SIN3A: variants seen among roughly 807,000 people sequenced by gnomAD.
SIN3A encodes paired amphipathic helix protein Sin3a.
SIN3A carries 14 observed loss-of-function variants against 146.1 expected under a neutral mutation model. That is an observed-to-expected ratio of 0.10 (90% confidence interval 0.06 to 0.15). SIN3A has a LOEUF of 0.15. Among genes scored for constraint, SIN3A ranks in the 10% least tolerant of loss-of-function variants. SIN3A has a pLI of 1.00. For missense variants in SIN3A, 1,028 were observed against 1,576.0 expected (o/e 0.65, Z 5.89); for synonymous variants, 572 against 572.0 (o/e 1.00, Z 0.00).
intron 1 of SIN3A, chr15:75,447,835 G>C (rs2074334134): frequency 6.6e-6 from 1 of 152,066 alleles, no homozygotes; most frequent in Non-Finnish European, 1.5e-5. Context: ...AGTGGGTAGG[G>C]AAAACAAAAG....
At chr15:75,431,122 T>C (rs1171390352) in intron 1 of SIN3A, among the ~76,000 whole-genome samples, 3 of 152,204 alleles carry the variant, frequency 2.0e-5, no homozygotes, top group Non-Finnish European at 2.9e-5. Context: ...ACTATAATTG[T>C]GGTCTAATTT....
At chr15:75,440,469 T>C (rs1455256172) in intron 1 of SIN3A, among the ~76,000 whole-genome samples, 1 of 152,052 alleles carries the variant, frequency 6.6e-6, no homozygotes, top group African/African-American at 2.4e-5. Flanking sequence ...TGACCTCAAG[T>C]GATCTGCCCG....
chr15:75,427,554 G>C (rs1215990891), intron 2 of SIN3A, among the ~76,000 whole-genome samples: 1 of 151,890 alleles, frequency 6.6e-6, no homozygotes, highest in Admixed American at 6.6e-5. Context: ...CAGCTACTCG[G>C]GAGGCTGAGG....
chr15:75,448,817 TA>T (rs1215508184), intron 1 of SIN3A, among the ~76,000 whole-genome samples: 3 of 152,110 alleles, frequency 2.0e-5, no homozygotes, highest in Non-Finnish European at 4.4e-5. Context: ...ACTGAAGATG[TA>T]AAAAGAATTA....
At chr15:75,389,540 T>C in intron 16 of SIN3A, 112 bp downstream of exon 16, 1 of 1,010,530 alleles carries the variant, frequency 9.9e-7, no homozygotes, top group African/African-American at 1.6e-5. Flanking sequence ...TTCAGAACCC[T>C]ACGTTCATAA....
At chr15:75,427,356 G>A (rs991131261) in intron 2 of SIN3A, among the ~76,000 whole-genome samples, 5 of 150,804 alleles carry the variant, frequency 3.3e-5, no homozygotes, top group Non-Finnish European at 7.4e-5. Context: ...TGGGGCGACA[G>A]AGCGAGACAC....
chr15:75,431,682 A>G (rs1379933867), intron 1 of SIN3A, among the ~76,000 whole-genome samples: 2 of 152,152 alleles, frequency 1.3e-5, no homozygotes, highest in Non-Finnish European at 2.9e-5. Context: ...CTAATTCATA[A>G]GTCTACCCAA....
At chr15:75,418,957 C>T (rs936901105) in intron 3 of SIN3A, among the ~76,000 whole-genome samples, 4 of 151,814 alleles carry the variant, frequency 2.6e-5, no homozygotes, top group African/African-American at 4.8e-5. Context: ...CGGGATTTCA[C>T]TGTGTTAGCC....
chr15:75,455,069 G>T (rs570136850), upstream of SIN3A: 1 of 116,384 alleles, frequency 8.6e-6, no homozygotes, highest in African/African-American at 3.3e-5. Flanking sequence ...CCGCAAGTCC[G>T]GTGTTGCCCC....
chr15:75,414,666 C>T (rs1418217693), intron 3 of SIN3A, among the ~76,000 whole-genome samples: 2 of 152,136 alleles, frequency 1.3e-5, no homozygotes, highest in African/African-American at 2.4e-5. Context: ...TTTGTAGCCC[C>T]TCGTCTATAG....
At chr15:75,450,654 C>T (rs1159669393) in intron 1 of SIN3A, among the ~76,000 whole-genome samples, 1 of 152,246 alleles carries the variant, frequency 6.6e-6, no homozygotes, top group Non-Finnish European at 1.5e-5. Flanking sequence ...GCGGAGAAAG[C>T]AGCTCCGGCA....
rs2141498528 is a variant in SIN3A, at chr15:75,412,839, G to A, written c.680C>T (p.Pro227Leu). 6.2e-7 allele frequency: 1 copy of A among 1,612,416 alleles called. No individual in the cohort carries two copies. The highest frequency in any genetic ancestry group is 8.5e-7 in the Non-Finnish European group (1 of 1,178,888). ...QPQPQPPPQH[P>L]SQPSAQSAPA... ...GGCTGACTGGGCTGAAGGCTGGGAA[G>A]GATGTTGGGGTGGTGGTTGAGGCTG... is the stretch of plus-strand genomic sequence containing the variant. Residue 227 changes from proline (P) to leucine (L), a missense_variant, in exon 5 of 21, where the codon CCT becomes CTT. By Grantham distance (98) the Pro-to-Leu change is moderately conservative. Transcript: ENST00000394947.
At chr15:75,394,568 C>A in intron 14 of SIN3A, 112 bp downstream of exon 14, 1 of 763,378 alleles carries the variant, frequency 1.3e-6, no homozygotes, top group Non-Finnish European at 2.1e-6. Context: ...AAGCAAGAAT[C>A]AACAGGTCTT....
intron 17 of SIN3A, among the ~76,000 whole-genome samples, chr15:75,382,444 A>G (rs1339141761): frequency 6.6e-6 from 1 of 152,200 alleles, no homozygotes; most frequent in Non-Finnish European, 1.5e-5. Flanking sequence ...TCATAACAGG[A>G]TGTCATTAAC....
At chr15:75,454,383 C>G (rs1409566670), upstream of SIN3A, among the ~76,000 whole-genome samples, 1 of 152,020 alleles carries the variant, frequency 6.6e-6, no homozygotes, top group Non-Finnish European at 1.5e-5. Context: ...CACAAGCCGC[C>G]GGCGGAGTAG....
At chr15:75,373,747 T>G (rs1409931609) in intron 20 of SIN3A, among the ~76,000 whole-genome samples, 1 of 150,306 alleles carries the variant, frequency 6.7e-6, no homozygotes, top group Non-Finnish European at 1.5e-5. Flanking sequence ...CCCGTGTCTA[T>G]TTTCATTAAA....
chr15:75,376,875 A>C (rs2095540771), intron 19 of SIN3A, among the ~76,000 whole-genome samples: 5 of 151,372 alleles, frequency 3.3e-5, no homozygotes, highest in Admixed American at 3.3e-4. Flanking sequence ...AAAAAAAAAA[A>C]AAAAAAAACC....
chr15:75,446,738 C>A (rs941386584), intron 1 of SIN3A, among the ~76,000 whole-genome samples: 4 of 152,010 alleles, frequency 2.6e-5, no homozygotes, highest in African/African-American at 9.7e-5. Context: ...ACGATCCTCC[C>A]ACTTGAGCTC....
chr15:75,446,649 G>A (rs576391910), intron 1 of SIN3A, among the ~76,000 whole-genome samples: 102 of 151,818 alleles, frequency 6.7e-4, no homozygotes, highest in African/African-American at 1.7e-3. Context: ...GCGCCAGCAT[G>A]CTTGGCTAAT....
Sources: gnomAD v4.1 joint callset for allele counts (sites outside exome capture counted in the v4.1 genomes callset) on GRCh38, gnomAD v4.1.1 for gene constraint, MANE v1.5 for transcripts, NCBI Gene and HGNC (gene_info 2026-07-23, HGNC 2026-07-21) for gene names.